The following MED6 variants were observed in gnomAD, a reference collection of about 807,000 sequenced individuals.
The protein encoded by MED6 is mediator of RNA polymerase II transcription subunit 6.
A neutral mutation model predicts 37.5 loss-of-function variants in MED6; 33 were observed. That is an observed-to-expected ratio of 0.88 (90% CI 0.67 to 1.18). The LOEUF (loss-of-function observed/expected upper bound fraction) is 1.18, where lower values mean the gene tolerates loss of function less well. Ranked by LOEUF, MED6 falls within the 50% of genes most tolerant of loss-of-function variation. The pLI is 0.00. For missense variants in MED6, 235 were observed against 290.6 expected (o/e 0.81, Z 1.39); for synonymous variants, 94 against 93.6 (o/e 1.00, Z -0.02).
chr14:70,584,859 G>A lies in MED6; in HGVS notation c.695C>T (p.Thr232Ile), dbSNP rs1884656657. The A allele has an allele frequency of 4.3e-6, 7 of 1,614,118 alleles. No homozygotes were observed. Among genetic ancestry groups the A allele is most frequent in the Non-Finnish European group, 5.1e-6 (6 of 1,180,016 alleles). The change falls in exon 8 of 8, where the codon ACA becomes ATA. Residue 232 changes from threonine (T) to isoleucine (I), a missense_variant. Coordinates refer to ENST00000256379, the MANE Select transcript of MED6 (RefSeq NM_005466.4). The stretch of plus-strand genomic sequence containing the variant: ...TTCAGGGGGGCCTTTAGCACTCACT[G>A]TCTGTTGTACATTCTTTGTGGTCTC... ...EKETTKNVQQ[T>I]VSAKGPPEKR...
chr14:70,588,823 G>A (rs1595047989), intron 6 of MED6, among the ~76,000 whole-genome samples: 1 of 151,524 alleles, frequency 6.6e-6, no homozygotes, highest in Non-Finnish European at 1.5e-5. Context: ...GGTAGAGGGG[G>A]TTTCATTTTT....
chr14:70,592,895 CT>C lies in MED6; in HGVS notation c.450del (p.Asp151IlefsTer32). 1 of 1,613,788 alleles carries C rather than the reference CT, an allele frequency of 6.2e-7. No individual in the cohort carries two copies. The highest frequency in any genetic ancestry group is 8.5e-7 in the Non-Finnish European group (1 of 1,179,826). ...TTCTACTTACCTTGCTCTTCATGATCTTTGAAGTGCCACCAATACCCTTTGG... is the reference window on the plus strand; with the variant it reads ...TTCTACTTACCTTGCTCTTCATGATCTTGAAGTGCCACCAATACCCTTTGG... ...HPSKGYWWHF[K>X]DHEEQDKVRP... On this transcript the variant is annotated frameshift_variant, in exon 5 of 8. Transcript: ENST00000256379. LOFTEE classifies it high-confidence loss of function.
chr14:70,585,613 G>T, intron 7 of MED6, 143 bp downstream of exon 7: 1 of 522,030 alleles, frequency 1.9e-6, no homozygotes, highest in Non-Finnish European at 3.2e-6. Context: ...TGTGACCCAA[G>T]ACAATTCTTC....
intron 3 of MED6, chr14:70,595,431 C>T: frequency 1.7e-6 from 1 of 580,556 alleles, no homozygotes. Flanking sequence ...GCTCACGGAG[C>T]TGAGAGGTAC....
chr14:70,592,117 T>C lies in MED6; in HGVS notation c.467-736A>G, dbSNP rs145842161. Among the ~76,000 whole-genome samples the C allele has an allele frequency of 4.6e-5, 7 of 152,356 alleles. No homozygotes were observed. In the East Asian group the frequency reaches 7.7e-4, roughly 17 times the overall value. ...TAAGAAGATACAGGTCTGAATTCTA[T>C]ACAAATGCTGTTTCCCTCAGTAATT... On this transcript the variant is annotated intron_variant, in intron 5 of 7. Transcript: ENST00000256379.
At chr14:70,597,967 T>A (rs1358131230) in intron 1 of MED6, 190 bp from the exon 2 acceptor site, 1 of 399,964 alleles carries the variant, frequency 2.5e-6, no homozygotes, top group East Asian at 4.3e-5. Context: ...AGTCTTATGA[T>A]AAAGACATGG....
intron 1 of MED6, 87 bp from the exon 2 acceptor site, chr14:70,597,864 A>T: frequency 2.8e-6 from 3 of 1,074,654 alleles, no homozygotes; most frequent in Non-Finnish European, 3.8e-6. Context: ...CAAATGTAGT[A>T]GGCACTATGA....
At chr14:70,593,673 C>T (rs1365726050) in intron 3 of MED6, among the ~76,000 whole-genome samples, 1 of 152,158 alleles carries the variant, frequency 6.6e-6, no homozygotes. Flanking sequence ...AGCAGTGCTT[C>T]TCAAATTTTA....
At position 70,583,777 on chromosome 14, in the gene MED6, C is replaced by A. The variant is rs1010464427; in HGVS notation, c.*1036G>T. 9.0e-5 allele frequency: 22 copies of A among 245,578 alleles called. No homozygotes were observed. Among genetic ancestry groups the A allele is most frequent in the Admixed American group, 5.5e-5 (1 of 18,108 alleles). The allele number at this position is 245,578 out of a possible 1,614,324, so 15.2% of individuals were successfully genotyped here. A position where few individuals can be genotyped will look rare whatever the true frequency, so the allele number is the denominator to read the frequency against. On this transcript the variant is annotated 3_prime_UTR_variant, in exon 8 of 8. Coordinates refer to ENST00000256379, the MANE Select transcript of MED6 (RefSeq NM_005466.4). Reference sequence around the variant, plus strand: ...ACAGATATAATAAAGTAAAATTGTACGAAAGGAATGATTAAAGTACAGTTT... The same window carrying A: ...ACAGATATAATAAAGTAAAATTGTAAGAAAGGAATGATTAAAGTACAGTTT...
chr14:70,593,324 T>G lies in MED6; in HGVS notation c.329A>C (p.Asp110Ala). Residue 110 changes from aspartate (D) to alanine (A), a missense_variant, in exon 4 of 8, where the codon GAC becomes GCC. Transcript: ENST00000256379. ...TCTAGAGTTTATAACTGATCCCAAG[T>G]CTGGTGCCTGATAGATCACTCCAGC... Reference protein sequence around the residue: ...IIAGVIYQAPDLGSVINSRVL... With the variant: ...IIAGVIYQAPALGSVINSRVL... 6.2e-7 allele frequency: 1 copy of G among 1,613,946 alleles called. No individual in the cohort carries two copies. Among genetic ancestry groups the G allele is most frequent in the Non-Finnish European group, 8.5e-7 (1 of 1,179,900 alleles).
chr14:70,595,165 A>C, intron 3 of MED6: 1 of 534,924 alleles, frequency 1.9e-6, no homozygotes, highest in South Asian at 1.4e-5. Flanking sequence ...GAGGCTCTCA[A>C]GGAGGAGCTG....
Position 70,583,339 on chromosome 14 carries a change from C to A in MED6, c.*1474G>T, listed in dbSNP as rs969223559. 1.3e-5 allele frequency: 2 copies of A among 152,136 alleles called. No individual in the cohort carries two copies. Among genetic ancestry groups the A allele is most frequent in the Non-Finnish European group, 2.9e-5 (2 of 68,024 alleles). 9.4% of individuals were successfully genotyped at this position (152,136 alleles called of 1,614,324 possible). A position where few individuals can be genotyped will look rare whatever the true frequency, so the allele number is the denominator to read the frequency against. On this transcript the variant is annotated 3_prime_UTR_variant, in exon 8 of 8. Coordinates refer to ENST00000256379, the MANE Select transcript of MED6 (RefSeq NM_005466.4). Reference sequence around the variant, plus strand: ...TAAAAGCAGAAAAAGATGAGAAATTCTTCAACTACTTTAAATACTAAAATA... The same window carrying A: ...TAAAAGCAGAAAAAGATGAGAAATTATTCAACTACTTTAAATACTAAAATA...
chr14:70,592,921 G>C lies in MED6; in HGVS notation c.425C>G (p.Ser142Cys), dbSNP rs527318118. Residue 142 changes from serine to cysteine, a missense_variant, in exon 5 of 8, where the codon TCC (serine) becomes TGC (cysteine). Transcript: ENST00000256379. Reference protein sequence around the residue: ...EAMSYCRYHPSKGYWWHFKDH... With the variant: ...EAMSYCRYHPCKGYWWHFKDH... ...TTTGAAGTGCCACCAATACCCTTTG[G>C]AAGGATGATATCGACAGTATGACAT... is the stretch of plus-strand genomic sequence containing the variant. 30 of 1,613,932 alleles carry C rather than the reference G, an allele frequency of 1.9e-5. 1 individual carries two copies. In the South Asian group the frequency reaches 2.9e-4, roughly 15 times the overall value.
rs1404850571 is a variant in MED6, at chr14:70,597,635, T to C, written c.165A>G (p.Leu55=). 1 of 1,513,280 alleles carries C rather than the reference T, an allele frequency of 6.6e-7. No homozygotes were observed. 93.7% of individuals were successfully genotyped at this position (1,513,280 alleles called of 1,614,324 possible). ...TAACTTACTTCAAGTGTTCTAATGT[T>C]AGCCTCTGCATTTTGACCACTTCAT... is the stretch of plus-strand genomic sequence containing the variant. ...CNNEVVKMQR[L]TLEHLNQMVG... Residue 55 remains leucine, a synonymous_variant, in exon 2 of 8, where the codon CTA becomes CTG. Coordinates refer to ENST00000256379, the MANE Select transcript of MED6 (RefSeq NM_005466.4).
chr14:70,595,260 C>A (rs181135598), intron 3 of MED6: 37 of 547,098 alleles, frequency 6.8e-5, no homozygotes, highest in African/African-American at 6.2e-4. Context: ...GTAGATACCC[C>A]CAAATCTCAG....
chr14:70,593,792 C>T (rs374260653), intron 3 of MED6, among the ~76,000 whole-genome samples: 5 of 152,176 alleles, frequency 3.3e-5, no homozygotes, highest in African/African-American at 1.2e-4. Flanking sequence ...TGTCAGTCAA[C>T]CTTACTTAAG....
At chr14:70,585,426 G>A (rs534728904) in intron 7 of MED6, among the ~76,000 whole-genome samples, 1 of 152,240 alleles carries the variant, frequency 6.6e-6, no homozygotes, top group Admixed American at 6.5e-5. Context: ...AAGATTAAGA[G>A]TAAAAAACTA....
At position 70,595,773 on chromosome 14, in the gene MED6, T is replaced by C. The variant is rs1003185244; in HGVS notation, c.274+838A>G. On this transcript the variant is annotated intron_variant, in intron 3 of 7. Coordinates refer to ENST00000256379, the MANE Select transcript of MED6 (RefSeq NM_005466.4). ...CATCCAAAAGACCCCACCCGCCAGG[T>C]AGTGGATGGCAGAGTGGTGTCTGAG... 1.2e-4 allele frequency: 84 copies of C among 709,520 alleles called. 1 individual carries two copies. In the South Asian group the frequency reaches 1.2e-3, roughly 10 times the overall value. 44.0% of individuals were successfully genotyped at this position (709,520 alleles called of 1,614,324 possible). A position where few individuals can be genotyped will look rare whatever the true frequency, so the allele number is the denominator to read the frequency against.
rs1884643386 is a variant in MED6 at position 70,584,486 on chromosome 14, C to T, written c.*327G>A. 1 of 307,900 alleles carries T rather than the reference C, an allele frequency of 3.2e-6. No homozygotes were observed. Among genetic ancestry groups the T allele is most frequent in the African/African-American group, 2.2e-5 (1 of 45,978 alleles). 19.1% of individuals were successfully genotyped at this position (307,900 alleles called of 1,614,324 possible). ...CACCTCCCGGGTTCAAGCAAGTCTC[C>T]TGTCTCAGCCTCCCGAGTAGCTGGG... On this transcript the variant is annotated 3_prime_UTR_variant, in exon 8 of 8. Transcript: ENST00000256379.
Sources: gnomAD v4.1 joint callset for allele counts (sites outside exome capture counted in the v4.1 genomes callset) on GRCh38, gnomAD v4.1.1 for gene constraint, MANE v1.5 for transcripts, NCBI Gene and HGNC (gene_info 2026-07-23, HGNC 2026-07-21) for gene names.